NALCN: variants seen among roughly 807,000 people sequenced by gnomAD.
The protein encoded by NALCN is sodium leak channel, non-selective.
A neutral mutation model predicts 225.3 loss-of-function variants in NALCN; 111 were observed. That is an observed-to-expected ratio of 0.49 (90% CI 0.42 to 0.58). The LOEUF is 0.58. NALCN is among the 20% of genes least tolerant of loss of function. The pLI is 0.00. For missense variants in NALCN, 1,378 were observed against 2,202.4 expected (o/e 0.63, Z 7.49); for synonymous variants, 764 against 769.0 (o/e 0.99, Z 0.11).
At chr13:101,268,429 G>A (rs970173556) in intron 10 of NALCN, among the ~76,000 whole-genome samples, 1 of 152,158 alleles carries the variant, frequency 6.6e-6, no homozygotes, top group African/African-American at 2.4e-5. Flanking sequence ...CTGCTGTAGG[G>A]TATTTGAAAA....
intron 17 of NALCN, among the ~76,000 whole-genome samples, chr13:101,125,668 C>A (rs1261191105): frequency 1.3e-5 from 2 of 152,112 alleles, no homozygotes; most frequent in African/African-American, 2.4e-5. Context: ...GGAGAAAACA[C>A]AAGATCAGAG....
chr13:101,200,814 G>T (rs2040089282), intron 13 of NALCN, among the ~76,000 whole-genome samples: 1 of 152,124 alleles, frequency 6.6e-6, no homozygotes, highest in African/African-American at 2.4e-5. Context: ...AAATAAACAG[G>T]CTGAAAGATC....
At chr13:101,122,836 C>A (rs2036044869) in intron 18 of NALCN, among the ~76,000 whole-genome samples, 1 of 152,152 alleles carries the variant, frequency 6.6e-6, no homozygotes, top group Non-Finnish European at 1.5e-5. Context: ...AAGGCCTAAT[C>A]TAAGGTGGAT....
chr13:101,343,010 A>C (rs561200540), intron 7 of NALCN, among the ~76,000 whole-genome samples: 2 of 152,286 alleles, frequency 1.3e-5, no homozygotes, highest in East Asian at 3.9e-4. Context: ...AATTACTTAC[A>C]TATTCAAGTA....
intron 20 of NALCN, among the ~76,000 whole-genome samples, chr13:101,109,756 T>C (rs2035331952): frequency 6.6e-6 from 1 of 152,190 alleles, no homozygotes; most frequent in South Asian, 2.1e-4. Context: ...AACGCTTGGC[T>C]TCTCTGCATT....
chr13:101,241,439 CT>C (rs201983020), intron 11 of NALCN, among the ~76,000 whole-genome samples: 1 of 151,212 alleles, frequency 6.6e-6, no homozygotes, highest in South Asian at 2.1e-4. Flanking sequence ...ACATGATAAC[CT>C]TTTTTTTTCT....
intron 7 of NALCN, among the ~76,000 whole-genome samples, chr13:101,301,197 G>C (rs1167157484): frequency 2.0e-5 from 3 of 152,180 alleles, no homozygotes; most frequent in Non-Finnish European, 4.4e-5. Flanking sequence ...ACATTGGCAG[G>C]AAAGTGTAGG....
At chr13:101,303,749 A>T (rs766853971) in intron 7 of NALCN, among the ~76,000 whole-genome samples, 1 of 152,136 alleles carries the variant, frequency 6.6e-6, no homozygotes, top group Non-Finnish European at 1.5e-5. Flanking sequence ...CATTAGGCAC[A>T]TTGGCAAGAC....
At chr13:101,237,506 A>G (rs946419385) in intron 12 of NALCN, among the ~76,000 whole-genome samples, 1 of 151,988 alleles carries the variant, frequency 6.6e-6, no homozygotes, top group Non-Finnish European at 1.5e-5. Context: ...TAATTTAGGA[A>G]AAGTAAGTAA....
chr13:101,374,503 T>C (rs1367001445), intron 6 of NALCN, among the ~76,000 whole-genome samples: 7 of 152,066 alleles, frequency 4.6e-5, no homozygotes, highest in East Asian at 3.9e-4. Flanking sequence ...GTCAGGCTGG[T>C]CTGGAACTCC....
chr13:101,080,765 A>T (rs545812988), intron 34 of NALCN, among the ~76,000 whole-genome samples: 140 of 119,496 alleles, frequency 1.2e-3, no homozygotes, highest in African/African-American at 3.8e-3. Flanking sequence ...ATAATTAATT[A>T]TTATTTATTT....
intron 15 of NALCN, among the ~76,000 whole-genome samples, chr13:101,175,597 C>T (rs573228962): frequency 5.9e-5 from 9 of 152,216 alleles, no homozygotes; most frequent in East Asian, 1.9e-4. Context: ...GATACAAGAA[C>T]GTTCCACCCA....
chr13:101,068,535 T>C (rs944192032), intron 38 of NALCN, among the ~76,000 whole-genome samples, 160 bp downstream of exon 38: 35 of 152,218 alleles, frequency 2.3e-4, no homozygotes, highest in African/African-American at 8.2e-4. Context: ...TACGTGCCTT[T>C]CAAAGGTCTT....
intron 10 of NALCN, among the ~76,000 whole-genome samples, chr13:101,268,006 AT>A (rs1566507751): frequency 6.6e-6 from 1 of 152,212 alleles, no homozygotes; most frequent in Non-Finnish European, 1.5e-5. Context: ...GAAGTGATGC[AT>A]CACTTTGGAT....
chr13:101,284,070 G>A, intron 9 of NALCN, 51 bp from the exon 10 acceptor site: 1 of 1,488,016 alleles, frequency 6.7e-7, no homozygotes, highest in South Asian at 1.2e-5. Context: ...ATGGAACATT[G>A]AGAACTCTAT....
chr13:101,067,894 T>C, intron 39 of NALCN, 24 bp downstream of exon 39: 2 of 1,513,682 alleles, frequency 1.3e-6, no homozygotes, highest in Non-Finnish European at 1.8e-6. Flanking sequence ...AGGTGAGGCA[T>C]GAAACAACAA....
chr13:101,148,551 C>T (rs2037472782), intron 15 of NALCN, among the ~76,000 whole-genome samples: 2 of 152,192 alleles, frequency 1.3e-5, no homozygotes, highest in South Asian at 2.1e-4. Flanking sequence ...GCCTTAAACC[C>T]CCTACTCGTA....
intron 27 of NALCN, 52 bp downstream of exon 27, chr13:101,100,729 GCCA>G: frequency 7.0e-7 from 1 of 1,432,884 alleles, no homozygotes; most frequent in Non-Finnish European, 9.6e-7. Context: ...GTAGGCACAT[GCCA>G]CCACACTTGG....
At chr13:101,302,684 A>G (rs1442692924) in intron 7 of NALCN, among the ~76,000 whole-genome samples, 1 of 152,170 alleles carries the variant, frequency 6.6e-6, no homozygotes, top group East Asian at 1.9e-4. Context: ...TTACAACTTA[A>G]TGGTTAAAAC....
Sources: allele counts gnomAD v4.1 joint callset (sites outside exome capture counted in the v4.1 genomes callset), GRCh38; gene constraint gnomAD v4.1.1; transcripts MANE v1.5; gene names NCBI Gene and HGNC (gene_info 2026-07-23, HGNC 2026-07-21).